SEC14L3: variants seen among roughly 807,000 people sequenced by gnomAD.
SEC14L3 encodes SEC14-like protein 3.
Under a neutral mutation model 57.4 loss-of-function variants are expected in SEC14L3, and 56 were observed. That is an observed-to-expected ratio of 0.97 (90% CI 0.79 to 1.22). SEC14L3 has a LOEUF of 1.22. SEC14L3 is among the 50% of genes most tolerant of loss of function. SEC14L3 has a pLI of 0.00. For synonymous variants in SEC14L3, 173 were observed against 194.4 expected (o/e 0.89, Z 0.92); for missense variants, 485 against 511.7 (o/e 0.95, Z 0.50).
chr22:30,458,373 A>G (rs4820849), downstream of SEC14L3, among the ~76,000 whole-genome samples: 43,904 of 152,028 alleles, frequency 0.29, 6,594 homozygotes, highest in East Asian at 0.32. Context: ...TCTGCTGTGA[A>G]TTTCCTTGGA....
At chr22:30,448,437 C>G (rs1934918887) in exon 13 of SEC14L3, 2 of 152,216 alleles carry the variant, frequency 1.3e-5, no homozygotes, top group African/African-American at 2.4e-5. Context: ...CTTCCTGAGG[C>G]TAGGGCTCCC....
At chr22:30,464,706 C>T in intron 8 of SEC14L3, 114 bp downstream of exon 8, 1 of 943,364 alleles carries the variant, frequency 1.1e-6, no homozygotes, top group Non-Finnish European at 1.7e-6. Flanking sequence ...GCTGGGATTA[C>T]ATTCGTGAGC....
chr22:30,470,859 G>C (rs1299597909), intron 1 of SEC14L3, among the ~76,000 whole-genome samples: 1 of 152,184 alleles, frequency 6.6e-6, no homozygotes, highest in Non-Finnish European at 1.5e-5. Context: ...TGGATGAATG[G>C]ATAGATGGAT....
chr22:30,452,019 AAAG>A (rs1295437880), intron 12 of SEC14L3, among the ~76,000 whole-genome samples: 8 of 148,610 alleles, frequency 5.4e-5, no homozygotes, highest in East Asian at 2.0e-4. Flanking sequence ...AGAAAAAAGA[AAAG>A]AAAAGAAAAG....
At chr22:30,468,381 A>G (rs1935489946) in intron 5 of SEC14L3, 127 bp downstream of exon 5, 1 of 635,492 alleles carries the variant, frequency 1.6e-6, no homozygotes. Flanking sequence ...GGTAAGCAAC[A>G]GAGCTGGTGT....
At chr22:30,454,890 ATATAATAGATATATAATATATTAT>A (rs1935073354), downstream of SEC14L3, among the ~76,000 whole-genome samples, 4 of 20,868 alleles carry the variant, frequency 1.9e-4, no homozygotes, top group African/African-American at 9.7e-4. Flanking sequence ...ATTATATATT[ATATAATAGATATATAATATATTAT>A]TATATATTAT....
exon 13 of SEC14L3, chr22:30,448,745 A>AT (rs1934925990): frequency 4.9e-6 from 1 of 202,052 alleles, no homozygotes. Flanking sequence ...AAGAAAAAAA[A>AT]CCCAGGCATG....
In SEC14L3 at chr22:30,461,417, C is replaced by G; in HGVS notation, c.974G>C (p.Gly325Ala). Residue 325 changes from glycine (G) to alanine (A), a missense_variant, in exon 11 of 12, where the codon GGG (glycine) becomes GCG (alanine). By Grantham distance (60) the Gly-to-Ala change is moderately conservative. Transcript: ENST00000215812. ...GFGVFLKTKM[G>A]ERQRAGEMTD... is the part of the protein sequence containing the mutation. ...CATCTCCCCTGCCCGCTGTCGCTCC[C>G]CCATCTTGGTCTTCAGGAAAACTCC... is the stretch of plus-strand genomic sequence containing the variant. The G allele has an allele frequency of 6.2e-7, 1 of 1,614,066 alleles. No homozygotes were observed. Among genetic ancestry groups the G allele is most frequent in the South Asian group, 1.1e-5 (1 of 91,072 alleles).
At chr22:30,462,411 C>CT (rs904479070) in intron 8 of SEC14L3, 225 of 246,066 alleles carry the variant, frequency 9.1e-4, no homozygotes, top group Middle Eastern at 5.9e-3. Context: ...TGAATCAGCA[C>CT]TTTTTTTTTC....
chr22:30,452,587 C>T (rs535686986), intron 12 of SEC14L3, among the ~76,000 whole-genome samples: 2 of 152,078 alleles, frequency 1.3e-5, no homozygotes, highest in Non-Finnish European at 2.9e-5. Context: ...GAATCTACCA[C>T]CCGCACATTT....
intron 8 of SEC14L3, among the ~76,000 whole-genome samples, chr22:30,463,281 C>T (rs1034477846): frequency 3.9e-5 from 6 of 152,208 alleles, no homozygotes; most frequent in African/African-American, 1.4e-4. Flanking sequence ...ATGTAAAGCT[C>T]TAAGAGTTCT....
rs2146098356 is a variant in SEC14L3 at position 30,459,834 on chromosome 22, G to A, written c.*187C>T. The A allele has an allele frequency of 7.5e-7, 1 of 1,325,778 alleles. No individual in the cohort carries two copies. The highest frequency in any genetic ancestry group is 9.7e-7 in the Non-Finnish European group (1 of 1,033,450). 82.1% of individuals were successfully genotyped at this position (1,325,778 alleles called of 1,614,324 possible). On this transcript the variant is annotated 3_prime_UTR_variant, in exon 12 of 12. Transcript: ENST00000215812. ...CTTCTGCAACCTTGGTACCCTCCAA[G>A]GTTGTGCCTCTCATACCTTTCTTGA...
chr22:30,455,330 C>T (rs1015874260), downstream of SEC14L3, among the ~76,000 whole-genome samples: 1 of 146,724 alleles, frequency 6.8e-6, no homozygotes, highest in Non-Finnish European at 1.5e-5. Context: ...CTCACTGCAA[C>T]CTCCACTTCC....
At chr22:30,458,909 G>A (rs977967203), downstream of SEC14L3, among the ~76,000 whole-genome samples, 1 of 152,208 alleles carries the variant, frequency 6.6e-6, no homozygotes, top group Non-Finnish European at 1.5e-5. Context: ...GGAGGCTGAG[G>A]TGGGAGAATG....
At position 30,460,080 on chromosome 22, in the gene SEC14L3, C is replaced by T; in HGVS notation, c.1144G>A (p.Glu382Lys). The stretch of plus-strand genomic sequence containing the variant: ...ATGCCCTCGTCAGGGAGCAGGACCT[C>T]CACTGTGAAGCTGACCTTCTTGGCG... ...VHAKKVSFTV[E>K]VLLPDEGMQK... The change falls in exon 12 of 12, where the codon GAG (glutamate) becomes AAG (lysine). Residue 382 changes from glutamate (E) to lysine (K), a missense_variant. Glu to Lys is a moderately conservative substitution (Grantham distance 56). Coordinates refer to ENST00000215812, the MANE Select transcript of SEC14L3 (RefSeq NM_174975.5). 4 of 1,614,146 alleles carry T rather than the reference C, an allele frequency of 2.5e-6. No homozygotes were observed. Among genetic ancestry groups the T allele is most frequent in the Non-Finnish European group, 3.4e-6 (4 of 1,179,998 alleles).
In SEC14L3 at chr22:30,471,965, G is replaced by C. The variant is rs374516631; in HGVS notation, c.-7C>G. 1 of 1,603,018 alleles carries C rather than the reference G, an allele frequency of 6.2e-7. No homozygotes were observed. The highest frequency in any genetic ancestry group is 8.5e-7 in the Non-Finnish European group (1 of 1,174,688). ...CTCCAACTCGGCCGCTCATGGTGCTGGCTGGGGCTTGAGGAGTGGTGGCCA... is the reference window on the plus strand; with the variant it reads ...CTCCAACTCGGCCGCTCATGGTGCTCGCTGGGGCTTGAGGAGTGGTGGCCA... On this transcript the variant is annotated 5_prime_UTR_variant, in exon 1 of 12. Transcript: ENST00000215812.
At chr22:30,468,148 G>A (rs1490511325) in intron 5 of SEC14L3, among the ~76,000 whole-genome samples, 3 of 151,828 alleles carry the variant, frequency 2.0e-5, no homozygotes, top group East Asian at 1.9e-4. Flanking sequence ...GCGTGGTGGC[G>A]GGCGCCTGTA....
rs1935251611 is a variant in SEC14L3 at position 30,461,360 on chromosome 22, G to A, written c.1031C>T (p.Ala344Val). ...GTTCCCATCCTCGGGCACCATGTGG[G>A]CGTTATAGCGCTGGCTGGGTAGAAC... ...TDVLPSQRYN[A>V]HMVPEDGNLT... is the part of the protein sequence containing the mutation. Residue 344 changes from alanine (A) to valine (V), a missense_variant, in exon 11 of 12, where the codon GCC becomes GTC. By Grantham distance (64) the Ala-to-Val change is moderately conservative. Transcript: ENST00000215812. The A allele has an allele frequency of 3.1e-6, 5 of 1,613,204 alleles. No individual in the cohort carries two copies. In the South Asian group the frequency reaches 4.4e-5, roughly 14 times the overall value.
rs559003200 is a variant in SEC14L3 at position 30,459,352 on chromosome 22, G to A, written c.*669C>T. The A allele has an allele frequency of 7.5e-5, 74 of 985,458 alleles. No individual in the cohort carries two copies. Among genetic ancestry groups the A allele is most frequent in the Middle Eastern group, 5.2e-4 (1 of 1,914 alleles). The allele number at this position is 985,458 out of a possible 1,614,324, so 61.0% of individuals were successfully genotyped here. On this transcript the variant is annotated 3_prime_UTR_variant, in exon 12 of 12. Transcript: ENST00000215812. ...TTAGGGTGGGAAGCTGAGCGTGCAA[G>A]TCAGACAAAGCCTGATGTAGGCAGC...
Sources: gnomAD v4.1 joint callset for allele counts (sites outside exome capture counted in the v4.1 genomes callset) on GRCh38, gnomAD v4.1.1 for gene constraint, MANE v1.5 for transcripts, NCBI Gene and HGNC (gene_info 2026-07-23, HGNC 2026-07-21) for gene names.